The following BMAL1 variants were observed in gnomAD, a reference collection of about 807,000 sequenced individuals.
The protein encoded by BMAL1 is basic helix-loop-helix ARNT-like protein 1.
chr11:13,285,433 T>C, the BMAL1 span, among the ~76,000 whole-genome samples: 3 of 152,078 alleles, frequency 2.0e-5, no homozygotes, highest in Non-Finnish European at 2.9e-5. Context: ...TGAGAAGTGC[T>C]AGGAGTGCTA....
the BMAL1 span, among the ~76,000 whole-genome samples, chr11:13,284,116 A>G: frequency 2.0e-5 from 2 of 101,666 alleles, no homozygotes; most frequent in African/African-American, 1.0e-4. Flanking sequence ...GTGTGTATAT[A>G]TATGTGTGTG....
At chr11:13,320,911 G>T in the BMAL1 span, among the ~76,000 whole-genome samples, 2 of 152,188 alleles carry the variant, frequency 1.3e-5, no homozygotes, top group African/African-American at 2.4e-5. Flanking sequence ...AGTAGGTGGG[G>T]TATTGAAGGT....
chr11:13,369,878 G>T, the BMAL1 span: 1 of 1,379,986 alleles, frequency 7.2e-7, no homozygotes. Context: ...AGAGTGGCAG[G>T]TCCCAGGACT....
the BMAL1 span, among the ~76,000 whole-genome samples, chr11:13,316,088 C>T: frequency 6.6e-6 from 1 of 152,208 alleles, no homozygotes; most frequent in Non-Finnish European, 1.5e-5. Flanking sequence ...GAAAGGGGCC[C>T]CCTTTGTCTC....
chr11:13,330,844 C>T, the BMAL1 span, among the ~76,000 whole-genome samples: 1 of 152,376 alleles, frequency 6.6e-6, no homozygotes, highest in African/African-American at 2.4e-5. Context: ...ATTGTGATAT[C>T]TCGCTGAGCC....
chr11:13,324,082 C>T, the BMAL1 span, among the ~76,000 whole-genome samples: 1 of 152,216 alleles, frequency 6.6e-6, no homozygotes, highest in Non-Finnish European at 1.5e-5. Flanking sequence ...CTGGAAGCCA[C>T]CACTGCTCCT....
the BMAL1 span, among the ~76,000 whole-genome samples, chr11:13,363,508 C>T: frequency 8.5e-5 from 13 of 152,148 alleles, no homozygotes; most frequent in African/African-American, 3.1e-4. Context: ...GTTCCAGGGA[C>T]TTGCTTCCAC....
chr11:13,314,940 A>C, the BMAL1 span, among the ~76,000 whole-genome samples: 2 of 152,176 alleles, frequency 1.3e-5, no homozygotes, highest in Non-Finnish European at 2.9e-5. Flanking sequence ...GAGCTAGCAC[A>C]ATGCACCTAG....
chr11:13,311,556 T>C, the BMAL1 span, among the ~76,000 whole-genome samples: 1 of 152,168 alleles, frequency 6.6e-6, no homozygotes. Context: ...ATTGAGATGT[T>C]ACAAAAATAG....
the BMAL1 span, among the ~76,000 whole-genome samples, chr11:13,280,923 C>T: frequency 1.3e-5 from 2 of 152,174 alleles, no homozygotes; most frequent in African/African-American, 2.4e-5. Context: ...GGGCAAGTGC[C>T]TGGGCTCTGG....
chr11:13,360,744 G>A, the BMAL1 span, among the ~76,000 whole-genome samples: 2 of 152,188 alleles, frequency 1.3e-5, no homozygotes, highest in Non-Finnish European at 2.9e-5. Flanking sequence ...GGAAGGGACT[G>A]AAACCAACAA....
At chr11:13,360,515 G>A in the BMAL1 span, 1 of 1,230,460 alleles carries the variant, frequency 8.1e-7, no homozygotes, top group Non-Finnish European at 1.2e-6. Context: ...TTTCAACACT[G>A]AGCTTTTTTT....
chr11:13,325,657 TTGTGTGTGTGTG>T, the BMAL1 span, among the ~76,000 whole-genome samples: 68 of 134,348 alleles, frequency 5.1e-4, no homozygotes, highest in African/African-American at 1.6e-3. Context: ...TTGAGACCTT[TTGTGTGTGTGTG>T]TGTGTGTGTG....
the BMAL1 span, among the ~76,000 whole-genome samples, chr11:13,361,478 A>G: frequency 5.3e-5 from 8 of 152,116 alleles, no homozygotes; most frequent in African/African-American, 1.9e-4. Context: ...CTTCCTACCC[A>G]TCTTTGAGCA....
chr11:13,329,246 A>G, the BMAL1 span, among the ~76,000 whole-genome samples: 1 of 152,172 alleles, frequency 6.6e-6, no homozygotes, highest in Non-Finnish European at 1.5e-5. Context: ...GAAGAGCTCA[A>G]TGCTTTGTGA....
At chr11:13,326,201 T>TAAA in the BMAL1 span, among the ~76,000 whole-genome samples, 5 of 142,564 alleles carry the variant, frequency 3.5e-5, no homozygotes, top group Non-Finnish European at 7.6e-5. Context: ...AGACTCTGTC[T>TAAA]AAAAAAAAAA....
At chr11:13,355,889 A>C in the BMAL1 span, among the ~76,000 whole-genome samples, 1 of 152,184 alleles carries the variant, frequency 6.6e-6, no homozygotes, top group Non-Finnish European at 1.5e-5. Context: ...CATTGTTTGA[A>C]GGGCCATGCT....
the BMAL1 span, among the ~76,000 whole-genome samples, chr11:13,284,176 ATGTG>A: frequency 1.6e-3 from 38 of 23,274 alleles, 4 homozygotes; most frequent in Non-Finnish European, 2.9e-3. Context: ...ATATATATAT[ATGTG>A]TATATATATA....
the BMAL1 span, among the ~76,000 whole-genome samples, chr11:13,347,478 A>G: frequency 6.6e-6 from 1 of 152,330 alleles, no homozygotes; most frequent in South Asian, 2.1e-4. Context: ...AAATTTGAGT[A>G]TTGGGAAAAT....
Sources: allele counts gnomAD v4.1 joint callset (sites outside exome capture counted in the v4.1 genomes callset), GRCh38; gene constraint gnomAD v4.1.1; transcripts MANE v1.5; gene names NCBI Gene and HGNC (gene_info 2026-07-23, HGNC 2026-07-21).